Variants in TTK observed in about 807,000 individuals in gnomAD.
TTK encodes TTK protein kinase, also known as dual specificity protein kinase TTK.
A neutral mutation model predicts 117.3 loss-of-function variants in TTK; 59 were observed. The ratio of observed to expected loss-of-function variants is 0.50; its 90% confidence interval spans 0.41 to 0.62. The LOEUF is 0.62. Among genes scored for constraint, TTK ranks in the 20% least tolerant of loss-of-function variants. The pLI is 0.00. For missense variants in TTK, 921 were observed against 989.4 expected, an observed-to-expected ratio of 0.93 and a Z score of 0.93; for synonymous variants, 302 against 325.0, an observed-to-expected ratio of 0.93 and a Z score of 0.76.
chr6:80,039,374 A>G (rs1415620500), intron 18 of TTK, among the ~76,000 whole-genome samples: 1 of 75,430 alleles, frequency 1.3e-5, no homozygotes, highest in East Asian at 3.9e-4. Flanking sequence ...ATTATAATCC[A>G]GTAATTCTGG....
Position 80,022,382 on chromosome 6 carries a change from T to C in TTK, c.1167T>C (p.Ser389=). The C allele has an allele frequency of 1.2e-6, 2 of 1,614,028 alleles. No homozygotes were observed. The highest frequency in any genetic ancestry group is 8.5e-7 in the Non-Finnish European group (1 of 1,179,972). Residue 389 remains serine, a synonymous_variant, in exon 11 of 22, where the codon TCT becomes TCC. Coordinates refer to ENST00000369798, the MANE Select transcript of TTK (RefSeq NM_003318.5). ...AGAGTAACCAGAAACAGTGGCAATC[T>C]AAGAGAAAGTCAGAGTGTATTAACC... The part of the protein sequence containing the change: ...VPESNQKQWQ[S]KRKSECINQN...
At chr6:80,012,016 G>A (rs762093466) in intron 8 of TTK, 36 bp downstream of exon 8, 112 of 1,542,998 alleles carry the variant, frequency 7.3e-5, no homozygotes, top group African/African-American at 2.2e-4. Context: ...TTTGTTGTCC[G>A]TATGGGAAGA....
At chr6:80,027,212 A>G (rs997718170) in intron 12 of TTK, among the ~76,000 whole-genome samples, 1 of 152,200 alleles carries the variant, frequency 6.6e-6, no homozygotes, top group Non-Finnish European at 1.5e-5. Context: ...GATCTTAATT[A>G]GAACTGGTCT....
chr6:80,030,835 T>C (rs1446352423), intron 13 of TTK, among the ~76,000 whole-genome samples: 1 of 152,148 alleles, frequency 6.6e-6, no homozygotes, highest in Non-Finnish European at 1.5e-5. Context: ...TTTGGAGCTC[T>C]TAGCACCTTA....
intron 15 of TTK, 39 bp from the exon 16 acceptor site, chr6:80,035,227 C>A: frequency 6.4e-7 from 1 of 1,551,812 alleles, no homozygotes; most frequent in South Asian, 1.3e-5. Flanking sequence ...TATAACCTAG[C>A]CATTTATTGT....
chr6:80,011,357 A>G, intron 5 of TTK, 77 bp from the exon 6 acceptor site: 1 of 1,017,464 alleles, frequency 9.8e-7, no homozygotes, highest in South Asian at 1.9e-5. Context: ...CTTTTAAAAT[A>G]TTCTTATTTG....
At position 80,035,377 on chromosome 6, in the gene TTK, GA is replaced by G. The variant is rs760065855; in HGVS notation, c.1889del (p.Asn630IlefsTer3). 2 of 1,610,464 alleles carry G rather than the reference GA, an allele frequency of 1.2e-6. No individual in the cohort carries two copies. The highest frequency in any genetic ancestry group is 1.3e-5 in the African/African-American group (1 of 74,776). On this transcript the variant is annotated frameshift_variant, in exon 16 of 22. Transcript: ENST00000369798. LOFTEE classifies it high-confidence loss of function. ...IDPWERKSYWKNMLEAVHTIH... is the reference protein window; with the variant it reads ...IDPWERKSYWXNMLEAVHTIH... ...ATCCATGGGAACGCAAGAGTTACTGGAAAAATATGTTAGAGGCAGTTCACAC... is the reference window on the plus strand; with the variant it reads ...ATCCATGGGAACGCAAGAGTTACTGGAAAATATGTTAGAGGCAGTTCACAC...
intron 11 of TTK, among the ~76,000 whole-genome samples, chr6:80,024,003 T>A (rs558229057): frequency 6.6e-6 from 1 of 152,292 alleles, no homozygotes; most frequent in South Asian, 2.1e-4. Flanking sequence ...AATAGGATTG[T>A]AAGGGAACTG....
chr6:80,041,452 G>C (rs1048575585), intron 21 of TTK, among the ~76,000 whole-genome samples: 1 of 151,624 alleles, frequency 6.6e-6, no homozygotes, highest in Non-Finnish European at 1.5e-5. Context: ...AATGCTAATG[G>C]CTAAATCAAT....
In TTK at chr6:80,031,502, G is replaced by T; in HGVS notation, c.1557G>T (p.Ser519=). 3 of 1,517,308 alleles carry T rather than the reference G, an allele frequency of 2.0e-6. No individual in the cohort carries two copies. The highest frequency in any genetic ancestry group is 2.9e-5 in the South Asian group (2 of 70,070). 94.0% of individuals were successfully genotyped at this position (1,517,308 alleles called of 1,614,324 possible). Residue 519 remains serine (S), a synonymous_variant, in exon 14 of 22, where the codon TCG becomes TCT. Transcript: ENST00000369798. ...LASSSANECI[S]VKGRIYSILK... ...CTTCTTCAGCAAATGAATGCATTTC[G>T]GTTAAAGGAAGAATTTATTCCATAT...
At chr6:80,016,093 C>T (rs561409011) in intron 10 of TTK, among the ~76,000 whole-genome samples, 2 of 152,120 alleles carry the variant, frequency 1.3e-5, no homozygotes, top group Non-Finnish European at 2.9e-5. Context: ...TTGCCGTATA[C>T]TATTTAACTA....
At chr6:80,019,966 A>ATTACTTACTTACTT (rs1767414002) in intron 10 of TTK, among the ~76,000 whole-genome samples, 1 of 152,188 alleles carries the variant, frequency 6.6e-6, no homozygotes, top group Non-Finnish European at 1.5e-5. Context: ...ATGAACTTGA[A>ATTACTTACTTACTT]AAGCATTAGG....
chr6:80,021,612 A>G (rs556465345), intron 10 of TTK, among the ~76,000 whole-genome samples: 1 of 152,208 alleles, frequency 6.6e-6, no homozygotes, highest in African/African-American at 2.4e-5. Flanking sequence ...AAGGGGTTTA[A>G]AAAGGAAAAG....
At chr6:80,005,160 A>G (rs1470348705) in intron 1 of TTK, among the ~76,000 whole-genome samples, 1 of 152,172 alleles carries the variant, frequency 6.6e-6, no homozygotes, top group Non-Finnish European at 1.5e-5. Flanking sequence ...CAGCATTGTT[A>G]TCAGTGACAC....
rs1418206674 is a variant in TTK, at chr6:80,042,257, A to G, written c.*55A>G. On this transcript the variant is annotated 3_prime_UTR_variant, in exon 22 of 22. Transcript: ENST00000369798. ...CCTATAAAATATATTGGACTGTTAT[A>G]CTCTTGAATCCCTGTGGAAATCTAC... The G allele has an allele frequency of 2.1e-5, 29 of 1,372,226 alleles. No homozygotes were observed. The highest frequency in any genetic ancestry group is 2.9e-5 in the Non-Finnish European group (29 of 985,860). The allele number at this position is 1,372,226 out of a possible 1,614,324, so 85.0% of individuals were successfully genotyped here.
Position 80,036,505 on chromosome 6 carries a change from A to C in TTK, c.1955A>C (p.Asn652Thr). ...GTTCACAGTGATCTTAAACCAGCTA[A>C]CTTTCTGATAGTTGATGGAATGCTA... ...GIVHSDLKPANFLIVDGMLKL... is the reference protein window; with the variant it reads ...GIVHSDLKPATFLIVDGMLKL... Residue 652 changes from asparagine to threonine, a missense_variant, in exon 17 of 22, where the codon AAC becomes ACC. Transcript: ENST00000369798. 6.2e-7 allele frequency: 1 copy of C among 1,610,972 alleles called. No homozygotes were observed. The highest frequency in any genetic ancestry group is 8.5e-7 in the Non-Finnish European group (1 of 1,178,648).
In TTK at chr6:80,011,435, A is replaced by G. The variant is rs778793687; in HGVS notation, c.615A>G (p.Ala205=). The stretch of plus-strand genomic sequence containing the variant: ...ATCATAGTTTCAAAATTTTTACAGC[A>G]TCTACGGTATTAACTGCCCAAGAAT... ...LSEEEKKNLS[A]STVLTAQESF... The change falls in exon 6 of 22, where the codon GCA becomes GCG. Residue 205 remains alanine, a splice_region_variant and synonymous_variant. Coordinates refer to ENST00000369798, the MANE Select transcript of TTK (RefSeq NM_003318.5). The G allele has an allele frequency of 3.8e-6, 6 of 1,576,126 alleles. No homozygotes were observed. The African/African-American group carries it at 5.5e-5, about 14-fold the overall frequency.
At chr6:80,019,819 A>C (rs2127674359) in intron 10 of TTK, among the ~76,000 whole-genome samples, 1 of 152,318 alleles carries the variant, frequency 6.6e-6, no homozygotes, top group African/African-American at 2.4e-5. Context: ...TCAAACCCTG[A>C]CATCTTAATA....
At chr6:80,029,180 AT>A (rs1277481856) in intron 13 of TTK, among the ~76,000 whole-genome samples, 1 of 152,214 alleles carries the variant, frequency 6.6e-6, no homozygotes, top group Admixed American at 6.5e-5. Flanking sequence ...GGGAGGAAGA[AT>A]GGGGAGTTAC....
Sources: allele counts gnomAD v4.1 joint callset (sites outside exome capture counted in the v4.1 genomes callset), GRCh38; gene constraint gnomAD v4.1.1; transcripts MANE v1.5; gene names NCBI Gene and HGNC (gene_info 2026-07-23, HGNC 2026-07-21).